The following RIMS1 variants were observed in gnomAD, a reference collection of about 807,000 sequenced individuals.
RIMS1 encodes regulating synaptic membrane exocytosis protein 1.
RIMS1 carries 83 observed loss-of-function variants against 214.1 expected under a neutral mutation model. The observed-to-expected ratio is 0.39, with a 90% confidence interval of 0.32 to 0.47. The LOEUF (loss-of-function observed/expected upper bound fraction) is 0.47. Ranked by LOEUF, RIMS1 falls within the 20% of genes least tolerant of loss-of-function variation. The pLI is 0.99. For missense variants in RIMS1, 2,050 were observed against 2,161.8 expected (o/e 0.95, Z 1.03); for synonymous variants, 793 against 786.8 (o/e 1.01, Z -0.13).
chr6:71,970,676 G>A (rs888685332), intron 2 of RIMS1, among the ~76,000 whole-genome samples: 1 of 152,178 alleles, frequency 6.6e-6, no homozygotes, highest in African/African-American at 2.4e-5. Context: ...TGGCCGAGAA[G>A]AAGCAACTAT....
intron 16 of RIMS1, among the ~76,000 whole-genome samples, chr6:72,257,653 A>G (rs2076426881): frequency 6.6e-6 from 1 of 152,134 alleles, no homozygotes. Context: ...TTGTTTTCTT[A>G]TTAAAGAGGC....
At chr6:72,260,264 T>C (rs1248678725) in intron 18 of RIMS1, among the ~76,000 whole-genome samples, 1 of 152,100 alleles carries the variant, frequency 6.6e-6, no homozygotes, top group Admixed American at 6.6e-5. Flanking sequence ...CATAATATGG[T>C]ATTGCATTTT....
At chr6:72,289,244 G>A (rs1365691267) in intron 24 of RIMS1, among the ~76,000 whole-genome samples, 1 of 152,134 alleles carries the variant, frequency 6.6e-6, no homozygotes, top group Non-Finnish European at 1.5e-5. Context: ...TTTAGAAAGA[G>A]TATCTTGAAC....
chr6:72,374,335 C>A (rs529530590), intron 29 of RIMS1, among the ~76,000 whole-genome samples: 1 of 152,244 alleles, frequency 6.6e-6, no homozygotes, highest in Non-Finnish European at 1.5e-5. Context: ...TATTTAGTAC[C>A]TATTCTAACC....
At chr6:72,389,072 G>A (rs576692953) in intron 29 of RIMS1, among the ~76,000 whole-genome samples, 1 of 152,146 alleles carries the variant, frequency 6.6e-6, no homozygotes, top group African/African-American at 2.4e-5. Flanking sequence ...GAAAGCAAAA[G>A]GTCTGAGGCC....
rs564873107 is a variant in RIMS1 at position 71,888,844 on chromosome 6, G to A, written c.164+1657G>A. Among the ~76,000 whole-genome samples the A allele has an allele frequency of 3.3e-5, 5 of 152,302 alleles. No homozygotes were observed. In the South Asian group the frequency reaches 8.3e-4, roughly 25 times the overall value. ...AAAAATCAAATACTTTAAGCCTGCC[G>A]GCTTGAGGGAGGCAGAACCCTCGTT... On this transcript the variant is annotated intron_variant, in intron 1 of 33. Transcript: ENST00000521978.
chr6:72,379,325 A>G (rs1447770182), intron 29 of RIMS1, among the ~76,000 whole-genome samples: 3 of 152,234 alleles, frequency 2.0e-5, no homozygotes, highest in Non-Finnish European at 4.4e-5. Flanking sequence ...GACCCAAAGT[A>G]GCTGCTCTAG....
chr6:72,065,491 T>C (rs1428111046), intron 2 of RIMS1, among the ~76,000 whole-genome samples: 2 of 152,276 alleles, frequency 1.3e-5, no homozygotes, highest in South Asian at 2.1e-4. Context: ...ATTTTTATCT[T>C]TTTGTTAGTT....
intron 2 of RIMS1, among the ~76,000 whole-genome samples, chr6:72,052,645 C>A (rs1477676868): frequency 6.6e-6 from 1 of 152,120 alleles, no homozygotes; most frequent in Non-Finnish European, 1.5e-5. Flanking sequence ...TTGGGCAAAT[C>A]ATTTAATCTC....
intron 1 of RIMS1, among the ~76,000 whole-genome samples, chr6:71,922,099 A>G (rs1780182983): frequency 6.6e-6 from 1 of 152,190 alleles, no homozygotes; most frequent in Admixed American, 6.6e-5. Context: ...TCACATATAC[A>G]TAATGCTGTT....
At chr6:71,913,406 G>A (rs925644965) in intron 1 of RIMS1, among the ~76,000 whole-genome samples, 2 of 152,078 alleles carry the variant, frequency 1.3e-5, no homozygotes, top group Admixed American at 1.3e-4. Flanking sequence ...AGACAATAAT[G>A]TTGTTTTGGG....
At chr6:72,009,812 T>G (rs1290814639) in intron 2 of RIMS1, among the ~76,000 whole-genome samples, 3 of 151,982 alleles carry the variant, frequency 2.0e-5, no homozygotes, top group Admixed American at 1.3e-4. Context: ...AATAACAGGC[T>G]CTGAAATTGA....
At chr6:71,991,280 G>C (rs1395012886) in intron 2 of RIMS1, among the ~76,000 whole-genome samples, 3 of 151,614 alleles carry the variant, frequency 2.0e-5, no homozygotes, top group African/African-American at 7.3e-5. Context: ...AAAAACTTTA[G>C]TTTTTTAACA....
chr6:72,352,417 T>C (rs1484752578), intron 29 of RIMS1, among the ~76,000 whole-genome samples: 1 of 152,198 alleles, frequency 6.6e-6, no homozygotes, highest in Admixed American at 6.5e-5. Flanking sequence ...ACATAGCTAA[T>C]AACTGATAGG....
intron 6 of RIMS1, among the ~76,000 whole-genome samples, chr6:72,224,014 G>T (rs1371662269): frequency 2.0e-5 from 3 of 148,716 alleles, no homozygotes; most frequent in Non-Finnish European, 4.4e-5. Context: ...AACACCAAAA[G>T]AAAGTTTCTT....
At chr6:72,018,687 G>A (rs779634432) in intron 2 of RIMS1, among the ~76,000 whole-genome samples, 3 of 152,132 alleles carry the variant, frequency 2.0e-5, no homozygotes, top group Admixed American at 1.3e-4. Flanking sequence ...TTAGAGGCTG[G>A]AGAGAAAAAC....
chr6:72,396,016 T>A (rs1172872953), intron 31 of RIMS1, among the ~76,000 whole-genome samples: 1 of 151,942 alleles, frequency 6.6e-6, no homozygotes, highest in South Asian at 2.1e-4. Flanking sequence ...GAGACCCTCA[T>A]GAACCCCAAG....
At chr6:72,338,087 G>A (rs1352023728) in intron 29 of RIMS1, among the ~76,000 whole-genome samples, 1 of 151,506 alleles carries the variant, frequency 6.6e-6, no homozygotes, top group Admixed American at 6.6e-5. Flanking sequence ...ATGATTTATA[G>A]TCCTTTGGGT....
At chr6:72,040,763 C>CATTTT (rs1821220604) in intron 2 of RIMS1, among the ~76,000 whole-genome samples, 1 of 151,630 alleles carries the variant, frequency 6.6e-6, no homozygotes, top group Admixed American at 6.6e-5. Flanking sequence ...GGTAAAAGAC[C>CATTTT]ATTTTATTGT....
Sources: gnomAD v4.1 joint callset for allele counts (sites outside exome capture counted in the v4.1 genomes callset) on GRCh38, gnomAD v4.1.1 for gene constraint, MANE v1.5 for transcripts, NCBI Gene and HGNC (gene_info 2026-07-23, HGNC 2026-07-21) for gene names.